FAM81B: variants seen among roughly 807,000 people sequenced by gnomAD.
FAM81B encodes protein FAM81B.
A neutral mutation model predicts 58.7 loss-of-function variants in FAM81B; 60 were observed. The ratio of observed to expected loss-of-function variants is 1.02; its 90% CI spans 0.83 to 1.27. FAM81B has a LOEUF of 1.27. Ranked by LOEUF, FAM81B falls within the 50% of genes most tolerant of loss-of-function variation. The pLI is 0.00. For missense variants in FAM81B, 491 were observed against 522.0 expected (o/e 0.94, Z 0.58); for synonymous variants, 189 against 179.6 (o/e 1.05, Z -0.42).
chr5:95,422,294 T>C (rs1319045971), intron 5 of FAM81B, among the ~76,000 whole-genome samples: 1 of 149,612 alleles, frequency 6.7e-6, no homozygotes, highest in Non-Finnish European at 1.5e-5. Context: ...TGAATTTATA[T>C]TATATATTAA....
At chr5:95,429,851 A>C (rs1213450298) in intron 6 of FAM81B, among the ~76,000 whole-genome samples, 1 of 152,162 alleles carries the variant, frequency 6.6e-6, no homozygotes, top group Non-Finnish European at 1.5e-5. Context: ...TTTTTTAATC[A>C]TGTTAAGGAA....
chr5:95,439,937 T>C (rs548459404), intron 7 of FAM81B: 25 of 273,332 alleles, frequency 9.1e-5, no homozygotes, highest in Non-Finnish European at 1.6e-4. Context: ...GCAGGATCGC[T>C]TGAACCCAGG....
At chr5:95,449,178 T>A (rs575634839) in intron 9 of FAM81B, among the ~76,000 whole-genome samples, 2 of 152,314 alleles carry the variant, frequency 1.3e-5, no homozygotes, top group Non-Finnish European at 2.9e-5. Context: ...AAAATTCATG[T>A]GTAAATTCTA....
chr5:95,433,172 G>A (rs548840828), intron 6 of FAM81B, among the ~76,000 whole-genome samples: 6 of 152,214 alleles, frequency 3.9e-5, no homozygotes, highest in African/African-American at 7.2e-5. Context: ...ACCCAAGACC[G>A]GGTAATTTAT....
intron 4 of FAM81B, 139 bp downstream of exon 4, chr5:95,414,329 T>A: frequency 9.8e-7 from 1 of 1,017,366 alleles, no homozygotes; most frequent in Non-Finnish European, 1.4e-6. Context: ...TACATTTTAG[T>A]GGTCTAAGAG....
intron 3 of FAM81B, 91 bp from the exon 4 acceptor site, chr5:95,413,856 G>C: frequency 6.7e-7 from 1 of 1,496,706 alleles, no homozygotes. Context: ...CAAAAATAAA[G>C]GATCAGAAGT....
intron 7 of FAM81B, among the ~76,000 whole-genome samples, chr5:95,443,874 T>C (rs981810562): frequency 6.6e-6 from 1 of 152,190 alleles, no homozygotes; most frequent in African/African-American, 2.4e-5. Context: ...TCCAGAGATA[T>C]TACATGGGCA....
chr5:95,414,005 C>T lies in FAM81B; in HGVS notation c.352C>T (p.Leu118=). The change falls in exon 4 of 10, where the codon CTG becomes TTG. Residue 118 remains leucine, a synonymous_variant. Transcript: ENST00000283357. ...CCAGAGAGGTCAGCTAGAAGACAGA[C>T]TGAACAACCAGGCGCGTACCATAGC... ...NTQRGQLEDR[L]NNQARTIAFL... 6.2e-7 allele frequency: 1 copy of T among 1,614,064 alleles called. No individual in the cohort carries two copies. The highest frequency in any genetic ancestry group is 2.2e-5 in the East Asian group (1 of 44,886).
intron 5 of FAM81B, among the ~76,000 whole-genome samples, chr5:95,421,264 A>G (rs1762674310): frequency 6.6e-6 from 1 of 152,234 alleles, no homozygotes; most frequent in South Asian, 2.1e-4. Context: ...CTGGGATGCT[A>G]TGGAAATGTC....
chr5:95,400,439 C>T (rs1427086975), intron 3 of FAM81B, among the ~76,000 whole-genome samples: 4 of 151,634 alleles, frequency 2.6e-5, no homozygotes, highest in Non-Finnish European at 4.4e-5. Flanking sequence ...TACATACACA[C>T]ACACACACAC....
At chr5:95,444,732 C>A (rs1745490890) in intron 7 of FAM81B, among the ~76,000 whole-genome samples, 1 of 152,062 alleles carries the variant, frequency 6.6e-6, no homozygotes, top group Non-Finnish European at 1.5e-5. Flanking sequence ...TGAGAGAATT[C>A]AGAGGACAAA....
rs145797209 is a variant in FAM81B at position 95,410,174 on chromosome 5, C to T, written c.294-3773C>T. 4.1e-3 allele frequency among the ~76,000 whole-genome samples: 629 copies of T among 152,216 alleles called. 3 individuals are homozygous for T. Among genetic ancestry groups the T allele is most frequent in the South Asian group, 0.012 (56 of 4,822 alleles). On this transcript the variant is annotated intron_variant, in intron 3 of 9. Transcript: ENST00000283357. ...GCACACATTTTATTTTACTTTTTGC[C>T]TTCTGTCTTTTCTATCGGGAATGGG... is the stretch of plus-strand genomic sequence containing the variant.
intron 9 of FAM81B, chr5:95,448,693 A>AT (rs56864403): frequency 0.05 from 19,686 of 389,846 alleles, 13 homozygotes; most frequent in South Asian, 0.071. Flanking sequence ...ATTGGTGTGA[A>AT]TTTTTTTTTT....
At chr5:95,404,585 C>G (rs1762197899) in intron 3 of FAM81B, among the ~76,000 whole-genome samples, 1 of 151,738 alleles carries the variant, frequency 6.6e-6, no homozygotes, top group Non-Finnish European at 1.5e-5. Flanking sequence ...TCTTGAGGCT[C>G]CAACAAGCTG....
intron 3 of FAM81B, among the ~76,000 whole-genome samples, chr5:95,413,153 G>A (rs755603490): frequency 1.2e-4 from 19 of 152,202 alleles, no homozygotes; most frequent in Middle Eastern, 3.4e-3. Flanking sequence ...ATTTGACAGG[G>A]GACATTTGTT....
At chr5:95,417,913 A>C (rs1762579673) in intron 4 of FAM81B, among the ~76,000 whole-genome samples, 1 of 152,224 alleles carries the variant, frequency 6.6e-6, no homozygotes, top group African/African-American at 2.4e-5. Flanking sequence ...TTGTATTTAC[A>C]GTGTCTTTAC....
At chr5:95,443,005 A>C (rs936007744) in intron 7 of FAM81B, among the ~76,000 whole-genome samples, 1 of 152,226 alleles carries the variant, frequency 6.6e-6, no homozygotes, top group Non-Finnish European at 1.5e-5. Context: ...GCCCTATCTA[A>C]GTTCTTGAGA....
At chr5:95,445,141 T>C (rs1277542037) in intron 7 of FAM81B, among the ~76,000 whole-genome samples, 1 of 152,204 alleles carries the variant, frequency 6.6e-6, no homozygotes, top group African/African-American at 2.4e-5. Flanking sequence ...GGCATGTATA[T>C]GGAGTGTATG....
chr5:95,395,442 C>CAAAAAAAA (rs70978184), intron 2 of FAM81B, among the ~76,000 whole-genome samples: 2 of 103,114 alleles, frequency 1.9e-5, no homozygotes, highest in Admixed American at 1.2e-4. Flanking sequence ...GACCCCGTCT[C>CAAAAAAAA]AAAAAAAAAA....
Sources: gnomAD v4.1 joint callset for allele counts (sites outside exome capture counted in the v4.1 genomes callset) on GRCh38, gnomAD v4.1.1 for gene constraint, MANE v1.5 for transcripts, NCBI Gene and HGNC (gene_info 2026-07-23, HGNC 2026-07-21) for gene names.